Variants in PTPRK observed in about 807,000 individuals in gnomAD.
PTPRK encodes the protein protein tyrosine phosphatase receptor type K.
PTPRK carries 75 observed loss-of-function variants against 178.0 expected under a neutral mutation model. That is an observed-to-expected ratio of 0.42 (90% CI 0.35 to 0.51). The LOEUF (loss-of-function observed/expected upper bound fraction) is 0.51. PTPRK is among the 20% of genes least tolerant of loss of function. The probability of loss-of-function intolerance (pLI) is 0.02; values close to 1 mark genes in which losing one functional copy is unlikely to be tolerated. For synonymous variants in PTPRK, 637 were observed against 620.6 expected (o/e 1.03, Z -0.39); for missense variants, 1,441 against 1,797.8 (o/e 0.80, Z 3.59).
chr6:128,193,934 T>C (rs2128253248), intron 6 of PTPRK, among the ~76,000 whole-genome samples: 1 of 151,932 alleles, frequency 6.6e-6, no homozygotes, highest in South Asian at 2.1e-4. Flanking sequence ...AGTTTATGTG[T>C]CCTTTAGCTC....
chr6:128,397,102 C>G (rs1408389761), intron 2 of PTPRK, among the ~76,000 whole-genome samples: 1 of 152,194 alleles, frequency 6.6e-6, no homozygotes, highest in African/African-American at 2.4e-5. Context: ...TGCCTCCCCT[C>G]AGAGTCACTG....
chr6:128,518,700 A>G (rs773780492), intron 1 of PTPRK, among the ~76,000 whole-genome samples: 4 of 152,192 alleles, frequency 2.6e-5, no homozygotes, highest in Non-Finnish European at 4.4e-5. Flanking sequence ...AGTAATGCTT[A>G]CTCCAGAAAG....
At chr6:128,312,388 G>A (rs1269121463) in intron 3 of PTPRK, among the ~76,000 whole-genome samples, 1 of 152,152 alleles carries the variant, frequency 6.6e-6, no homozygotes, top group Non-Finnish European at 1.5e-5. Flanking sequence ...GCCAACTGTA[G>A]TTTCAGTGGC....
intron 1 of PTPRK, among the ~76,000 whole-genome samples, chr6:128,451,577 G>C (rs994009081): frequency 6.6e-6 from 1 of 151,946 alleles, no homozygotes; most frequent in African/African-American, 2.4e-5. Flanking sequence ...TAATAAGCTA[G>C]AAACTGAAGA....
At chr6:127,994,651 T>C (rs1456809897) in intron 18 of PTPRK, among the ~76,000 whole-genome samples, 1 of 151,878 alleles carries the variant, frequency 6.6e-6, no homozygotes, top group Non-Finnish European at 1.5e-5. Flanking sequence ...TGTTTGATAA[T>C]TACTTCCTTT....
chr6:128,207,540 A>C (rs954635065), intron 6 of PTPRK, among the ~76,000 whole-genome samples: 7 of 152,208 alleles, frequency 4.6e-5, no homozygotes, highest in Non-Finnish European at 8.8e-5. Flanking sequence ...AGCAACACAA[A>C]CATAGACAGA....
chr6:128,250,330 T>C (rs566499212), intron 3 of PTPRK, among the ~76,000 whole-genome samples: 14 of 152,292 alleles, frequency 9.2e-5, no homozygotes, highest in African/African-American at 3.4e-4. Context: ...ATGATGATTA[T>C]AATTACATAA....
intron 7 of PTPRK, among the ~76,000 whole-genome samples, chr6:128,138,640 A>T (rs1398046487): frequency 6.6e-6 from 1 of 151,992 alleles, no homozygotes; most frequent in Non-Finnish European, 1.5e-5. Context: ...AATCACCCTC[A>T]CTTGTCTTTA....
At chr6:128,346,157 TG>T (rs1832407932) in intron 2 of PTPRK, among the ~76,000 whole-genome samples, 1 of 152,058 alleles carries the variant, frequency 6.6e-6, no homozygotes, top group African/African-American at 2.4e-5. Context: ...TTCCCTGCCA[TG>T]CTCTGAGTGG....
At chr6:128,168,273 T>A (rs1413679705) in intron 7 of PTPRK, among the ~76,000 whole-genome samples, 1 of 152,004 alleles carries the variant, frequency 6.6e-6, no homozygotes, top group Non-Finnish European at 1.5e-5. Context: ...CAGCCCTAAG[T>A]GTTGGTGAGG....
At chr6:128,382,305 T>A (rs1366453763) in intron 2 of PTPRK, among the ~76,000 whole-genome samples, 1 of 151,974 alleles carries the variant, frequency 6.6e-6, no homozygotes, top group East Asian at 1.9e-4. Context: ...GAACTATGAC[T>A]TCTATTATAG....
At chr6:128,132,001 T>A (rs903881183) in intron 7 of PTPRK, among the ~76,000 whole-genome samples, 1 of 152,180 alleles carries the variant, frequency 6.6e-6, no homozygotes, top group African/African-American at 2.4e-5. Context: ...AAAGGTCAAA[T>A]CAATTTTTTG....
intron 1 of PTPRK, among the ~76,000 whole-genome samples, chr6:128,450,398 ACTTGTT>A (rs1847635828): frequency 6.6e-6 from 1 of 152,186 alleles, no homozygotes; most frequent in Non-Finnish European, 1.5e-5. Flanking sequence ...AAACAAAACC[ACTTGTT>A]CTAATGCATG....
chr6:128,271,081 A>C (rs1344320174), intron 3 of PTPRK, among the ~76,000 whole-genome samples: 2 of 152,130 alleles, frequency 1.3e-5, no homozygotes, highest in African/African-American at 4.8e-5. Flanking sequence ...GGATAGACAA[A>C]AGGCTATATG....
At chr6:128,397,870 T>C (rs1840528709) in intron 1 of PTPRK, among the ~76,000 whole-genome samples, 182 bp from the exon 2 acceptor site, 1 of 152,218 alleles carries the variant, frequency 6.6e-6, no homozygotes, top group South Asian at 2.1e-4. Flanking sequence ...CTATCAGTAC[T>C]TTCTGTTTGA....
chr6:128,479,163 T>TCACAA (rs1238809384), intron 1 of PTPRK, among the ~76,000 whole-genome samples: 4 of 152,102 alleles, frequency 2.6e-5, no homozygotes, highest in African/African-American at 9.7e-5. Flanking sequence ...AAGTTTATGG[T>TCACAA]GTGTTCAATG....
In PTPRK at chr6:128,240,122, C is replaced by T. The variant is rs200395931; in HGVS notation, c.606G>A (p.Gly202=). Residue 202 remains glycine, a synonymous_variant, in exon 5 of 30, where the codon GGG becomes GGA. Coordinates refer to ENST00000368226, the MANE Select transcript of PTPRK (RefSeq NM_002844.4). ...TTTGCCCTGCATTCACCTCTACATC[C>T]CCTAGACGGAGGAAATGAGGAGATT... ...CDKSPHFLRL[G]DVEVNAGQNA... 1 of 1,613,530 alleles carries T rather than the reference C, an allele frequency of 6.2e-7. No homozygotes were observed. The highest frequency in any genetic ancestry group is 1.3e-5 in the African/African-American group (1 of 74,968).
chr6:128,232,287 T>C (rs1467150272), intron 5 of PTPRK: 1 of 152,272 alleles, frequency 6.6e-6, no homozygotes, highest in Non-Finnish European at 1.5e-5. Context: ...CACCAAATAC[T>C]CCAGTCCGCG....
intron 2 of PTPRK, among the ~76,000 whole-genome samples, chr6:128,337,750 C>G (rs540861218): frequency 6.6e-6 from 1 of 152,144 alleles, no homozygotes; most frequent in Non-Finnish European, 1.5e-5. Context: ...GTGATGACCT[C>G]TACACAAGAC....
Sources: gnomAD v4.1 joint callset for allele counts (sites outside exome capture counted in the v4.1 genomes callset) on GRCh38, gnomAD v4.1.1 for gene constraint, MANE v1.5 for transcripts, NCBI Gene and HGNC (gene_info 2026-07-23, HGNC 2026-07-21) for gene names.